The following EIF3L variants were observed in gnomAD, a reference collection of about 807,000 sequenced individuals.
EIF3L encodes eukaryotic translation initiation factor 3 subunit L.
A neutral mutation model predicts 74.6 loss-of-function variants in EIF3L; 32 were observed. The observed-to-expected ratio is 0.43, with a 90% confidence interval of 0.32 to 0.58. EIF3L has a LOEUF of 0.58. Among genes scored for constraint, EIF3L ranks in the 20% least tolerant of loss-of-function variants. EIF3L has a pLI of 0.06. For synonymous variants in EIF3L, 256 were observed against 254.4 expected (o/e 1.01, Z -0.06); for missense variants, 474 against 707.8 (o/e 0.67, Z 3.75).
At chr22:37,861,237 TCTC>T (rs1445867914) in intron 5 of EIF3L, among the ~76,000 whole-genome samples, 2 of 152,020 alleles carry the variant, frequency 1.3e-5, no homozygotes, top group Non-Finnish European at 2.9e-5. Context: ...TCACCCCTCT[TCTC>T]CTTGAGGACC....
intron 8 of EIF3L, among the ~76,000 whole-genome samples, chr22:37,871,017 A>G (rs1926441224): frequency 6.6e-6 from 1 of 151,880 alleles, no homozygotes; most frequent in Non-Finnish European, 1.5e-5. Context: ...AGTCCCAGCT[A>G]CTCGGGAGGC....
intron 4 of EIF3L, among the ~76,000 whole-genome samples, chr22:37,856,030 C>T (rs1400678463): frequency 9.8e-6 from 1 of 102,082 alleles, no homozygotes; most frequent in Non-Finnish European, 2.2e-5. Flanking sequence ...ACCCTGGCAC[C>T]AATTTATTTA....
chr22:37,849,653 G>C, intron 1 of EIF3L, 171 bp downstream of exon 1: 1 of 721,704 alleles, frequency 1.4e-6, no homozygotes, highest in Non-Finnish European at 2.3e-6. Flanking sequence ...CCCTGGCTCT[G>C]CCCGCCCACT....
Position 37,888,575 on chromosome 22 carries a change from C to CA in EIF3L, c.*113dup, listed in dbSNP as rs1288148554. The CA allele has an allele frequency of 1.8e-6, 2 of 1,142,246 alleles. No individual in the cohort carries two copies. The highest frequency in any genetic ancestry group is 3.1e-5 in the African/African-American group (2 of 65,214). 70.8% of individuals were successfully genotyped at this position (1,142,246 alleles called of 1,614,324 possible). A position where few individuals can be genotyped will look rare whatever the true frequency, so the allele number is the denominator to read the frequency against. On this transcript the variant is annotated 3_prime_UTR_variant, in exon 13 of 13. Transcript: ENST00000652021. ...GCCATCAGCCTGTCAACTCAGTTAA[C>CA]AAGTTAAGGACCGAAGTGTTTCAAG...
chr22:37,853,513 T>C (rs749654948), intron 3 of EIF3L, among the ~76,000 whole-genome samples: 1 of 152,190 alleles, frequency 6.6e-6, no homozygotes. Flanking sequence ...AGCATGCCTA[T>C]AGTCCCAGCT....
At chr22:37,874,258 G>C (rs1178435985) in intron 8 of EIF3L, 112 bp from the exon 9 acceptor site, 6 of 1,141,106 alleles carry the variant, frequency 5.3e-6, no homozygotes, top group African/African-American at 3.1e-5. Flanking sequence ...GTTGTTGAGG[G>C]AAGCTTTCAA....
chr22:37,877,556 G>C (rs1926816543), intron 10 of EIF3L, 118 bp from the exon 11 acceptor site: 1 of 1,261,796 alleles, frequency 7.9e-7, no homozygotes, highest in Non-Finnish European at 1.1e-6. Context: ...TCAATGGCTG[G>C]TATGAAACAA....
chr22:37,860,985 TC>T (rs964567713), intron 5 of EIF3L, among the ~76,000 whole-genome samples: 5 of 152,174 alleles, frequency 3.3e-5, no homozygotes, highest in African/African-American at 1.2e-4. Context: ...TCGTGGCACT[TC>T]AGAGCACTTA....
chr22:37,852,347 G>A (rs759543438), intron 3 of EIF3L, among the ~76,000 whole-genome samples: 8 of 152,188 alleles, frequency 5.3e-5, no homozygotes, highest in Non-Finnish European at 5.9e-5. Flanking sequence ...TGGATGTGCT[G>A]AGATTTGAAC....
Position 37,874,369 on chromosome 22 carries a change from G to C in EIF3L, c.752-1G>C. The C allele has an allele frequency of 6.2e-7, 1 of 1,613,562 alleles. No homozygotes were observed. On this transcript the variant is annotated splice_acceptor_variant, in intron 8 of 12. Transcript: ENST00000652021. LOFTEE classifies it high-confidence loss of function. ...GTATTCACGGTGTCTGTCTCTTTCA[G>C]GTGACCCTGAGAGTGTGGCTGGGGA...
intron 3 of EIF3L, 126 bp downstream of exon 3, chr22:37,851,616 G>A (rs1925230924): frequency 1.5e-6 from 1 of 651,426 alleles, no homozygotes; most frequent in African/African-American, 1.8e-5. Flanking sequence ...GGGTCTTTGT[G>A]AGTCCTTGAG....
At chr22:37,886,914 CT>C (rs762065885) in intron 12 of EIF3L, 69 bp downstream of exon 12, 46 of 1,290,126 alleles carry the variant, frequency 3.6e-5, no homozygotes, top group African/African-American at 6.0e-5. Flanking sequence ...CGAGAGTTTA[CT>C]TTTTTTTAAT....
rs142238498 is a variant in EIF3L at position 37,861,553 on chromosome 22, G to A, written c.436-1416G>A. ...ACAAAAATTAGCCAGGCGTGGTGGC[G>A]TGTGCCTGTAATCCCAGCTACTCGG... On this transcript the variant is annotated intron_variant, in intron 5 of 12. Coordinates refer to ENST00000652021, the MANE Select transcript of EIF3L (RefSeq NM_016091.4). Among the ~76,000 whole-genome samples, 335 of 152,116 alleles carry A rather than the reference G, an allele frequency of 2.2e-3. 11 individuals are homozygous for A. The East Asian group carries it at 0.053, about 24-fold the overall frequency.
intron 9 of EIF3L, among the ~76,000 whole-genome samples, chr22:37,874,901 T>TTTG (rs1926663636): frequency 6.8e-6 from 1 of 148,070 alleles, no homozygotes; most frequent in Non-Finnish European, 1.5e-5. Context: ...GCTAATTTTT[T>TTTG]TTTTTTTTTT....
At chr22:37,861,080 T>A (rs1925830119) in intron 5 of EIF3L, among the ~76,000 whole-genome samples, 1 of 152,186 alleles carries the variant, frequency 6.6e-6, no homozygotes, top group African/African-American at 2.4e-5. Flanking sequence ...TATGTGCTTG[T>A]CTTGTTCACC....
At position 37,888,427 on chromosome 22, in the gene EIF3L, T is replaced by A; in HGVS notation, c.1658T>A (p.Leu553His). 1 of 1,614,122 alleles carries A rather than the reference T, an allele frequency of 6.2e-7. No homozygotes were observed. The highest frequency in any genetic ancestry group is 8.5e-7 in the Non-Finnish European group (1 of 1,180,012). ...ACTTTGCTTTTCTTTCTCTTCTAGCTTAATCGAACCCTGAAGAAGATGGGA... is the reference window on the plus strand; with the variant it reads ...ACTTTGCTTTTCTTTCTCTTCTAGCATAATCGAACCCTGAAGAAGATGGGA... ...FIRQIHKFEE[L>H]NRTLKKMGQR... Residue 553 changes from leucine to histidine, a missense_variant and splice_region_variant, in exon 13 of 13, where the codon CTT (leucine) becomes CAT (histidine). Physicochemically the swap from Leu to His is moderately conservative, Grantham distance 99. Around this residue, in one of 4 missense-constraint regions of EIF3L, gnomAD observed 293 missense variants for 469.1 expected, o/e 0.62. Transcript: ENST00000652021.
chr22:37,861,765 A>G (rs987911085), intron 5 of EIF3L, among the ~76,000 whole-genome samples: 3 of 152,098 alleles, frequency 2.0e-5, no homozygotes, highest in Non-Finnish European at 2.9e-5. Flanking sequence ...GAATCTAGCC[A>G]TTATGTGTAC....
Position 37,874,475 on chromosome 22 carries a change from A to G in EIF3L, c.857A>G (p.Asp286Gly). 1 of 1,614,070 alleles carries G rather than the reference A, an allele frequency of 6.2e-7. No homozygotes were observed. Among genetic ancestry groups the G allele is most frequent in the African/African-American group, 1.3e-5 (1 of 75,004 alleles). Residue 286 changes from aspartate to glycine, a missense_variant, in exon 9 of 13, where the codon GAT (aspartate) becomes GGT (glycine). Asp to Gly is a moderately conservative substitution (Grantham distance 94). Transcript: ENST00000652021. ...GLLRLHSLLGDYYQAIKVLEN... is the reference protein window; with the variant it reads ...GLLRLHSLLGGYYQAIKVLEN... ...CTCCGCCTGCACTCCCTGTTAGGAG[A>G]TTACTACCAGGCCATCAAGGTGCTG...
In EIF3L at chr22:37,870,710, C is replaced by T. The variant is rs572818626; in HGVS notation, c.751+363C>T. On this transcript the variant is annotated intron_variant, in intron 8 of 12. Coordinates refer to ENST00000652021, the MANE Select transcript of EIF3L (RefSeq NM_016091.4). ...TGTATCTATTTTAAAAAATTTTTTT[C>T]TTTTTTTTTCAGTGAAGAGTGGCAT... Among the ~76,000 whole-genome samples the T allele has an allele frequency of 5.1e-4, 77 of 151,274 alleles. 3 individuals carry two copies. In the South Asian group the frequency reaches 0.011, roughly 21 times the overall value.
Sources: allele counts gnomAD v4.1 joint callset (sites outside exome capture counted in the v4.1 genomes callset), GRCh38; gene constraint gnomAD v4.1.1; regional missense constraint gnomAD v4.1.1; transcripts MANE v1.5; gene names NCBI Gene and HGNC (gene_info 2026-07-23, HGNC 2026-07-21).